KCNIP1: variants seen among roughly 807,000 people sequenced by gnomAD.
KCNIP1 encodes the protein A-type potassium channel modulatory protein KCNIP1.
In KCNIP1, 18 loss-of-function variants were observed where a neutral mutation model predicts 33.0. The ratio of observed to expected loss-of-function variants is 0.55; its 90% CI spans 0.38 to 0.81. KCNIP1 has a LOEUF of 0.81. Among genes scored for constraint, KCNIP1 ranks in the 30% least tolerant of loss-of-function variants. The pLI is 0.00. For synonymous variants in KCNIP1, 93 were observed against 98.3 expected, an observed-to-expected ratio of 0.95 and a Z score of 0.32; for missense variants, 238 against 271.6, an observed-to-expected ratio of 0.88 and a Z score of 0.87.
At chr5:170,687,770 T>C in intron 1 of KCNIP1, among the ~76,000 whole-genome samples, 1 of 152,182 alleles carries the variant, frequency 6.6e-6, no homozygotes, top group East Asian at 1.9e-4. Flanking sequence ...ATAGATTTTA[T>C]CTCCTTAACT....
In KCNIP1 at chr5:170,682,446, GT is replaced by G. The variant is rs1431662943; in HGVS notation, c.62-36306del. Among the ~76,000 whole-genome samples, 22 of 152,276 alleles carry G rather than the reference GT, an allele frequency of 1.4e-4. No homozygotes were observed. The South Asian group carries it at 2.5e-3, about 17-fold the overall frequency. On this transcript the variant is annotated intron_variant, in intron 1 of 7. Transcript: ENST00000328939. ...GCATGTTAGCCCTGTATGTAAGGATGTTTTTTAGCTTTAGCTAAAATTTAGT... is the reference window on the plus strand; with the variant it reads ...GCATGTTAGCCCTGTATGTAAGGATGTTTTTAGCTTTAGCTAAAATTTAGT...
At chr5:170,569,301 G>A (rs559010002) in intron 1 of KCNIP1, among the ~76,000 whole-genome samples, 21 of 152,320 alleles carry the variant, frequency 1.4e-4, no homozygotes, top group African/African-American at 4.6e-4. Context: ...CCCACCCCCC[G>A]CTGCTGTGTG....
intron 1 of KCNIP1, among the ~76,000 whole-genome samples, chr5:170,465,658 G>C (rs1756593703): frequency 6.6e-6 from 1 of 152,234 alleles, no homozygotes; most frequent in Non-Finnish European, 1.5e-5. Flanking sequence ...CAGAAAGAGA[G>C]AGAGAGAGAG....
intron 1 of KCNIP1, among the ~76,000 whole-genome samples, chr5:170,432,455 A>C (rs1755766408): frequency 1.3e-5 from 2 of 152,248 alleles, no homozygotes; most frequent in South Asian, 4.1e-4. Flanking sequence ...CCAGCTGGAC[A>C]CAATAAGAAT....
At chr5:170,499,478 G>A (rs2113219738), upstream of KCNIP1, among the ~76,000 whole-genome samples, 1 of 152,322 alleles carries the variant, frequency 6.6e-6, no homozygotes, top group South Asian at 2.1e-4. Flanking sequence ...TAATCCACAA[G>A]AAGCTGAAAG....
chr5:170,479,558 G>A (rs965508684), intron 1 of KCNIP1, among the ~76,000 whole-genome samples: 7 of 152,148 alleles, frequency 4.6e-5, no homozygotes, highest in Non-Finnish European at 8.8e-5. Flanking sequence ...AAGACATGAA[G>A]ACTTCTCCTT....
At chr5:170,423,092 A>G (rs1755533576) in intron 1 of KCNIP1, among the ~76,000 whole-genome samples, 1 of 152,158 alleles carries the variant, frequency 6.6e-6, no homozygotes, top group African/African-American at 2.4e-5. Context: ...TCTCAAACAA[A>G]CGAACTTCAG....
chr5:170,633,784 G>A (rs866043681), intron 1 of KCNIP1, among the ~76,000 whole-genome samples: 3 of 146,504 alleles, frequency 2.0e-5, no homozygotes, highest in Middle Eastern at 7.1e-3. Flanking sequence ...GGGGCGGGGT[G>A]TGGCTGTGCG....
At chr5:170,735,600 G>T (rs1764359803) in intron 7 of KCNIP1, among the ~76,000 whole-genome samples, 159 bp from the exon 8 acceptor site, 1 of 152,144 alleles carries the variant, frequency 6.6e-6, no homozygotes, top group Admixed American at 6.5e-5. Flanking sequence ...ACTTTGAACT[G>T]ATCACTTTCT....
intron 1 of KCNIP1, among the ~76,000 whole-genome samples, chr5:170,380,749 C>T (rs964109337): frequency 6.6e-6 from 1 of 152,222 alleles, no homozygotes; most frequent in South Asian, 2.1e-4. Flanking sequence ...TCCAATGCCT[C>T]TGACTGTGAC....
chr5:170,407,583 T>G (rs1322710126), intron 1 of KCNIP1, among the ~76,000 whole-genome samples: 1 of 152,226 alleles, frequency 6.6e-6, no homozygotes, highest in Non-Finnish European at 1.5e-5. Flanking sequence ...GGGAACTGCA[T>G]TTCTATAGAA....
At chr5:170,464,585 G>A (rs1051826114) in intron 1 of KCNIP1, among the ~76,000 whole-genome samples, 3 of 152,192 alleles carry the variant, frequency 2.0e-5, no homozygotes, top group Admixed American at 1.3e-4. Flanking sequence ...TGGAACCACT[G>A]TCTCAGTATT....
At chr5:170,583,880 A>G (rs992084456) in intron 1 of KCNIP1, among the ~76,000 whole-genome samples, 4 of 152,144 alleles carry the variant, frequency 2.6e-5, no homozygotes, top group Non-Finnish European at 5.9e-5. Context: ...ACAGTTGTAC[A>G]TATTTATGGG....
At chr5:170,379,121 G>A (rs1302919238) in intron 1 of KCNIP1, 18 of 924,912 alleles carry the variant, frequency 1.9e-5, no homozygotes, top group East Asian at 1.6e-4. Flanking sequence ...CAGGCCATGC[G>A]CTGTACAGGT....
intron 1 of KCNIP1, among the ~76,000 whole-genome samples, chr5:170,626,381 G>C (rs538620663): frequency 1.3e-5 from 2 of 152,278 alleles, no homozygotes; most frequent in Middle Eastern, 3.4e-3. Context: ...TTTCTAACGA[G>C]AGTGTGCTAG....
At chr5:170,511,596 A>T (rs772339640) in intron 1 of KCNIP1, among the ~76,000 whole-genome samples, 3 of 152,236 alleles carry the variant, frequency 2.0e-5, no homozygotes, top group Non-Finnish European at 4.4e-5. Context: ...GCCAGGAAGG[A>T]TAATAATACT....
intron 1 of KCNIP1, among the ~76,000 whole-genome samples, chr5:170,614,359 A>G (rs1252203073): frequency 1.3e-5 from 2 of 151,602 alleles, no homozygotes; most frequent in East Asian, 3.9e-4. Context: ...GCAGTTTCTT[A>G]TCTGCCAGAT....
intron 1 of KCNIP1, among the ~76,000 whole-genome samples, chr5:170,569,353 A>C (rs1363180287): frequency 6.6e-6 from 1 of 152,234 alleles, no homozygotes; most frequent in Non-Finnish European, 1.5e-5. Flanking sequence ...TTCCAGAAAC[A>C]TGAATTCTTT....
At chr5:170,627,703 C>T (rs956155538) in intron 1 of KCNIP1, among the ~76,000 whole-genome samples, 1 of 152,228 alleles carries the variant, frequency 6.6e-6, no homozygotes, top group African/African-American at 2.4e-5. Context: ...TGGCATTTAG[C>T]CCTCCCTGGG....
Sources: gnomAD v4.1 joint callset for allele counts (sites outside exome capture counted in the v4.1 genomes callset) on GRCh38, gnomAD v4.1.1 for gene constraint, MANE v1.5 for transcripts, NCBI Gene and HGNC (gene_info 2026-07-23, HGNC 2026-07-21) for gene names.